ACAP2: variants seen among roughly 807,000 people sequenced by gnomAD.
ACAP2 encodes the protein ArfGAP with coiled-coil, ankyrin repeat and PH domains 2, also known as arf-GAP with coiled-coil, ANK repeat and PH domain-containing protein 2.
In ACAP2, 39 loss-of-function variants were observed where a neutral mutation model predicts 115.8. The ratio of observed to expected loss-of-function variants is 0.34; its 90% CI spans 0.26 to 0.44. The LOEUF (loss-of-function observed/expected upper bound fraction) is 0.44. ACAP2 is among the 20% of genes least tolerant of loss of function. The pLI is 1.00. For synonymous variants in ACAP2, 289 were observed against 315.8 expected (o/e 0.92, Z 0.90); for missense variants, 662 against 927.6 (o/e 0.71, Z 3.72).
In ACAP2 at chr3:195,342,499, C is replaced by T. The variant is rs1245396911; in HGVS notation, c.500G>A (p.Arg167Gln). ...NILTATRKCF[R>Q]HIALDYVLQI... ...AAGCACATAATCGAGGGCTATGTGT[C>T]GGAAACATTTTCTTGTTGCTGTCAG... is the stretch of plus-strand genomic sequence containing the variant. Residue 167 changes from arginine to glutamine, a missense_variant, in exon 6 of 23, where the codon CGA becomes CAA. By Grantham distance (43) the Arg-to-Gln change is conservative (BLOSUM62 1). Coordinates refer to ENST00000326793, the MANE Select transcript of ACAP2 (RefSeq NM_012287.6). 15 of 1,609,682 alleles carry T rather than the reference C, an allele frequency of 9.3e-6. No individual in the cohort carries two copies. Among genetic ancestry groups the T allele is most frequent in the Non-Finnish European group, 1.1e-5 (13 of 1,178,990 alleles).
chr3:195,358,433 T>A (rs1732133062), intron 4 of ACAP2, among the ~76,000 whole-genome samples: 1 of 152,098 alleles, frequency 6.6e-6, no homozygotes, highest in African/African-American at 2.4e-5. Flanking sequence ...ATGTGACCTT[T>A]CAGACACAGA....
Position 195,419,907 on chromosome 3 carries a change from T to C in ACAP2, c.53+22888A>G, listed in dbSNP as rs1577452793. Among the ~76,000 whole-genome samples, 2 of 152,242 alleles carry C rather than the reference T, an allele frequency of 1.3e-5. 1 individual carries two copies. The highest frequency in any genetic ancestry group is 1.3e-4 in the Admixed American group (2 of 15,278). On this transcript the variant is annotated intron_variant, in intron 1 of 22. Transcript: ENST00000326793. ...CTGTCTGTTCTAGGATCAATCTCTA[T>C]ACTTCAACAATACATTTTAAAGTTT...
At chr3:195,401,023 C>T (rs576672761) in intron 1 of ACAP2, among the ~76,000 whole-genome samples, 25 of 152,304 alleles carry the variant, frequency 1.6e-4, no homozygotes, top group African/African-American at 5.5e-4. Flanking sequence ...CATAGCAAGA[C>T]TCCGTCTCTG....
chr3:195,370,758 T>A (rs1577371094), intron 4 of ACAP2, among the ~76,000 whole-genome samples: 1 of 152,096 alleles, frequency 6.6e-6, no homozygotes. Flanking sequence ...GAGACCAGCC[T>A]GGGCAACATG....
chr3:195,428,249 G>A (rs1222699570), intron 1 of ACAP2, among the ~76,000 whole-genome samples: 3 of 147,858 alleles, frequency 2.0e-5, no homozygotes, highest in Non-Finnish European at 3.0e-5. Flanking sequence ...ATATATATAG[G>A]TATATATATT....
At chr3:195,350,622 C>T (rs550314000) in intron 4 of ACAP2, among the ~76,000 whole-genome samples, 1 of 149,494 alleles carries the variant, frequency 6.7e-6, no homozygotes, top group Non-Finnish European at 1.5e-5. Flanking sequence ...GCACTCTAGC[C>T]CAGAAAACAA....
chr3:195,339,715 G>C (rs1391154170), intron 6 of ACAP2, among the ~76,000 whole-genome samples: 1 of 151,896 alleles, frequency 6.6e-6, no homozygotes, highest in Non-Finnish European at 1.5e-5. Context: ...GGGGTGGTGG[G>C]CATGAGGAGG....
intron 4 of ACAP2, among the ~76,000 whole-genome samples, chr3:195,354,470 T>C (rs1330049755): frequency 6.6e-6 from 1 of 152,242 alleles, no homozygotes; most frequent in African/African-American, 2.4e-5. Context: ...GTTAGCCACA[T>C]GTATGTCTTC....
chr3:195,386,378 T>G (rs1000425195), intron 2 of ACAP2, among the ~76,000 whole-genome samples: 1 of 152,230 alleles, frequency 6.6e-6, no homozygotes, highest in African/African-American at 2.4e-5. Flanking sequence ...CTGGATTTTA[T>G]GTTAGGTTAA....
chr3:195,437,121 C>A (rs1460061370), intron 1 of ACAP2, among the ~76,000 whole-genome samples: 1 of 152,176 alleles, frequency 6.6e-6, no homozygotes, highest in Non-Finnish European at 1.5e-5. Flanking sequence ...CACCATAGCT[C>A]ACTGTAACCT....
chr3:195,294,745 A>G lies in ACAP2; in HGVS notation c.1739T>C (p.Val580Ala). ...DDGRESLPST[V>A]SANSLYEPEG... The stretch of plus-strand genomic sequence containing the variant: ...AGGCTCATATAAACTATTGGCTGAC[A>G]CCGTGGAGGGTAAAGATTCTCTTCC... The change falls in exon 18 of 23, where the codon GTG becomes GCG. Residue 580 changes from valine (V) to alanine (A), a missense_variant. Physicochemically the swap from Val to Ala is moderately conservative, Grantham distance 64. Coordinates refer to ENST00000326793, the MANE Select transcript of ACAP2 (RefSeq NM_012287.6). The G allele has an allele frequency of 6.2e-7, 1 of 1,609,470 alleles. No individual in the cohort carries two copies. The highest frequency in any genetic ancestry group is 8.5e-7 in the Non-Finnish European group (1 of 1,176,926).
intron 6 of ACAP2, among the ~76,000 whole-genome samples, chr3:195,339,390 TTGATA>T (rs1233696607): frequency 2.6e-5 from 4 of 151,886 alleles, no homozygotes; most frequent in Admixed American, 6.6e-5. Flanking sequence ...AAATGCCTGT[TTGATA>T]TGTCTTTTTT....
At chr3:195,369,163 T>G (rs1732947854) in intron 4 of ACAP2, among the ~76,000 whole-genome samples, 1 of 152,196 alleles carries the variant, frequency 6.6e-6, no homozygotes, top group Non-Finnish European at 1.5e-5. Context: ...ATTGTAGGCC[T>G]TTAGAGATTC....
Position 195,306,588 on chromosome 3 carries a change from T to C in ACAP2, c.1039A>G (p.Lys347Glu). The C allele has an allele frequency of 6.2e-7, 1 of 1,612,964 alleles. No individual in the cohort carries two copies. The highest frequency in any genetic ancestry group is 8.5e-7 in the Non-Finnish European group (1 of 1,179,514). ...GCCTTAATCCATGCCTGGCGCAGCT[T>C]TTCGGAATCTGCCTGGAGCATGCAA... is the stretch of plus-strand genomic sequence containing the variant. ...KSCMLQADSEKLRQAWIKAVQ... is the reference protein window; with the variant it reads ...KSCMLQADSEELRQAWIKAVQ... Residue 347 changes from lysine to glutamate, a missense_variant, in exon 13 of 23, where the codon AAG (lysine) becomes GAG (glutamate). Lys to Glu is a moderately conservative substitution (Grantham distance 56). Around this residue, in one of 3 missense-constraint regions of ACAP2, gnomAD observed 401 missense variants for 604.4 expected, o/e 0.66. Transcript: ENST00000326793.
chr3:195,298,685 G>A (rs1727817969), intron 15 of ACAP2, among the ~76,000 whole-genome samples: 1 of 151,908 alleles, frequency 6.6e-6, no homozygotes, highest in South Asian at 2.1e-4. Flanking sequence ...AGGCTGGAGT[G>A]CAATGGCACA....
At chr3:195,397,605 CA>C (rs78871756) in intron 1 of ACAP2, among the ~76,000 whole-genome samples, 112 of 135,842 alleles carry the variant, frequency 8.2e-4, no homozygotes, top group Admixed American at 8.1e-4. Context: ...GAATAAAGTT[CA>C]AAAAAAAAAA....
At chr3:195,313,517 T>C (rs1397675990) in intron 10 of ACAP2, among the ~76,000 whole-genome samples, 1 of 152,188 alleles carries the variant, frequency 6.6e-6, no homozygotes, top group Non-Finnish European at 1.5e-5. Context: ...GCCCATCCCG[T>C]TTTCATGAAA....
intron 9 of ACAP2, among the ~76,000 whole-genome samples, chr3:195,324,286 T>C (rs1407925326): frequency 6.6e-6 from 1 of 152,026 alleles, no homozygotes; most frequent in African/African-American, 2.4e-5. Context: ...TGAAACAGAA[T>C]AGAGAAACTG....
chr3:195,439,932 G>A (rs908929976), intron 1 of ACAP2, among the ~76,000 whole-genome samples: 2 of 152,084 alleles, frequency 1.3e-5, no homozygotes, highest in Non-Finnish European at 2.9e-5. Context: ...CAGCCCAAGA[G>A]TATGTTTAAG....
Sources: gnomAD v4.1 joint callset for allele counts (sites outside exome capture counted in the v4.1 genomes callset) on GRCh38, gnomAD v4.1.1 for gene constraint, gnomAD v4.1.1 regional missense constraint, MANE v1.5 for transcripts, NCBI Gene and HGNC (gene_info 2026-07-23, HGNC 2026-07-21) for gene names.